TASP1: variants seen among roughly 807,000 people sequenced by gnomAD.
TASP1 encodes threonine aspartase 1.
In TASP1, 16 loss-of-function variants were observed where a neutral mutation model predicts 56.6. That is an observed-to-expected ratio of 0.28 (90% CI 0.19 to 0.43). The LOEUF is 0.43. Ranked by LOEUF, TASP1 falls within the 20% of genes least tolerant of loss-of-function variation. The pLI is 1.00. For synonymous variants in TASP1, 179 were observed against 184.2 expected, an observed-to-expected ratio of 0.97 and a Z score of 0.23; for missense variants, 393 against 511.6, an observed-to-expected ratio of 0.77 and a Z score of 2.24.
chr20:13,164,476 G>A, the TASP1 span: 4 of 529,278 alleles, frequency 7.6e-6, no homozygotes, highest in Non-Finnish European at 1.5e-5. Flanking sequence ...GGGTAAGCAT[G>A]GGTCACATGT....
intron 12 of TASP1, among the ~76,000 whole-genome samples, chr20:13,427,409 A>G (rs951908910): frequency 6.6e-6 from 1 of 152,232 alleles, no homozygotes; most frequent in Non-Finnish European, 1.5e-5. Context: ...ACAGTAAAAC[A>G]GTTTGATTTG....
chr20:13,154,230 T>C, the TASP1 span: 2 of 1,502,862 alleles, frequency 1.3e-6, no homozygotes, highest in Non-Finnish European at 1.8e-6. Context: ...GCATCTGGAA[T>C]GGGGTGAGTG....
At chr20:13,569,390 T>C in intron 7 of TASP1, 117 bp downstream of exon 7, 1 of 720,302 alleles carries the variant, frequency 1.4e-6, no homozygotes, top group Non-Finnish European at 2.1e-6. Flanking sequence ...CTACAAATCT[T>C]TCAACATATA....
the TASP1 span, among the ~76,000 whole-genome samples, chr20:13,205,226 A>C: frequency 6.6e-6 from 1 of 152,110 alleles, no homozygotes; most frequent in South Asian, 2.1e-4. Flanking sequence ...CACTGTAGCC[A>C]TACAAGCCCC....
chr20:13,468,119 A>G (rs1013747273), intron 11 of TASP1, among the ~76,000 whole-genome samples: 1 of 152,188 alleles, frequency 6.6e-6, no homozygotes, highest in African/African-American at 2.4e-5. Flanking sequence ...AACAAATACA[A>G]TTACAGAATT....
intron 8 of TASP1, among the ~76,000 whole-genome samples, chr20:13,535,956 TA>T (rs2045401021): frequency 6.6e-6 from 1 of 152,208 alleles, no homozygotes; most frequent in Non-Finnish European, 1.5e-5. Context: ...GGAAATGCAT[TA>T]AAAACATTTT....
intron 1 of TASP1, among the ~76,000 whole-genome samples, chr20:13,635,657 A>C (rs1261189795): frequency 6.6e-6 from 1 of 151,986 alleles, no homozygotes; most frequent in Non-Finnish European, 1.5e-5. Flanking sequence ...CAGACTGCTG[A>C]GATTACAGGT....
At chr20:13,636,822 A>G (rs1402004330) in intron 1 of TASP1, among the ~76,000 whole-genome samples, 2 of 152,218 alleles carry the variant, frequency 1.3e-5, no homozygotes, top group Non-Finnish European at 2.9e-5. Flanking sequence ...AGCCACATGC[A>G]ATAGAATGAA....
chr20:13,580,816 G>T (rs1407996713), intron 6 of TASP1, 81 bp downstream of exon 6: 2 of 1,371,962 alleles, frequency 1.5e-6, no homozygotes, highest in Non-Finnish European at 2.1e-6. Context: ...CATGCTACCT[G>T]GTATGTAACC....
chr20:13,346,147 T>C, the TASP1 span, among the ~76,000 whole-genome samples: 1 of 148,696 alleles, frequency 6.7e-6, no homozygotes, highest in Non-Finnish European at 1.5e-5. Context: ...GGAAAAAAGA[T>C]ACAAAGTCTC....
At chr20:13,308,115 T>G in the TASP1 span, among the ~76,000 whole-genome samples, 2 of 152,314 alleles carry the variant, frequency 1.3e-5, no homozygotes, top group Admixed American at 1.3e-4. Context: ...CTCTGTGATC[T>G]CTTAATTATT....
the TASP1 span, among the ~76,000 whole-genome samples, chr20:13,333,669 G>A: frequency 4.6e-5 from 7 of 152,256 alleles, no homozygotes; most frequent in East Asian, 5.8e-4. Context: ...ATAATGCCTC[G>A]TTGTTCTATC....
chr20:13,327,168 C>T, the TASP1 span, among the ~76,000 whole-genome samples: 1 of 152,066 alleles, frequency 6.6e-6, no homozygotes, highest in Non-Finnish European at 1.5e-5. Flanking sequence ...TAACAAACAA[C>T]AGGCAACCAG....
chr20:13,547,191 C>G (rs2045839559), intron 8 of TASP1, among the ~76,000 whole-genome samples: 1 of 152,104 alleles, frequency 6.6e-6, no homozygotes, highest in South Asian at 2.1e-4. Context: ...ACAAAATAAC[C>G]ACATACACCA....
chr20:13,421,707 T>G (rs79922364), intron 12 of TASP1, among the ~76,000 whole-genome samples: 7,184 of 152,200 alleles, frequency 0.047, 231 homozygotes, highest in African/African-American at 0.089. Context: ...TGAAACAACA[T>G]CGTGTTAGCT....
At position 13,599,583 on chromosome 20, in the gene TASP1, G is replaced by A. The variant is rs181560355; in HGVS notation, c.283-12213C>T. On this transcript the variant is annotated intron_variant, in intron 4 of 13. Transcript: ENST00000337743. ...AGGAGAAATACCTAATGTAAATGACGAGTTGATGGGTGCAGCAAACCAACA... is the reference window on the plus strand; with the variant it reads ...AGGAGAAATACCTAATGTAAATGACAAGTTGATGGGTGCAGCAAACCAACA... Among the ~76,000 whole-genome samples, 635 of 152,226 alleles carry A rather than the reference G, an allele frequency of 4.2e-3. 4 individuals carry two copies. Among genetic ancestry groups the A allele is most frequent in the African/African-American group, 0.015 (613 of 41,540 alleles).
chr20:13,308,767 C>A, the TASP1 span, among the ~76,000 whole-genome samples: 22 of 152,242 alleles, frequency 1.4e-4, no homozygotes, highest in East Asian at 4.1e-3. Flanking sequence ...GAAATCCTAA[C>A]CCCCAAAGTT....
At chr20:13,380,552 G>A in the TASP1 span, among the ~76,000 whole-genome samples, 1 of 152,166 alleles carries the variant, frequency 6.6e-6, no homozygotes, top group Non-Finnish European at 1.5e-5. Context: ...AGGCATGGAG[G>A]CCAGGGATCC....
chr20:13,105,263 G>C, the TASP1 span, among the ~76,000 whole-genome samples: 636 of 135,054 alleles, frequency 4.7e-3, 2 homozygotes, highest in Middle Eastern at 7.3e-3. Flanking sequence ...ATCCCCTGCA[G>C]GAGGAAAAAA....
Sources: gnomAD v4.1 joint callset for allele counts (sites outside exome capture counted in the v4.1 genomes callset) on GRCh38, gnomAD v4.1.1 for gene constraint, MANE v1.5 for transcripts, NCBI Gene and HGNC (gene_info 2026-07-23, HGNC 2026-07-21) for gene names.